Variants in CDCA3 observed in about 807,000 individuals in gnomAD.
The protein encoded by CDCA3 is cell division cycle associated 3, also known as cell division cycle-associated protein 3.
In CDCA3, 16 loss-of-function variants were observed where a neutral mutation model predicts 29.1. The ratio of observed to expected loss-of-function variants is 0.55; its 90% CI spans 0.37 to 0.83. The LOEUF (loss-of-function observed/expected upper bound fraction) is 0.83, where lower values mean the gene tolerates loss of function less well. CDCA3 is among the 40% of genes least tolerant of loss of function. CDCA3 has a pLI of 0.00. For synonymous variants in CDCA3, 88 were observed against 124.5 expected, an observed-to-expected ratio of 0.71 and a Z score of 1.95; for missense variants, 291 against 327.2, an observed-to-expected ratio of 0.89 and a Z score of 0.85.
chr12:6,848,923 G>A lies in CDCA3; in HGVS notation c.*120C>T, dbSNP rs1218090202. 1 of 614,342 alleles carries A rather than the reference G, an allele frequency of 1.6e-6. No homozygotes were observed. The highest frequency in any genetic ancestry group is 1.8e-5 in the African/African-American group (1 of 54,174). 38.1% of individuals were successfully genotyped at this position (614,342 alleles called of 1,614,324 possible). ...CCAATAAAGCTGTGAGTCCCAGTTT[G>A]GTAGCTGAGGAGGAGTCTAAGAAAA... On this transcript the variant is annotated 3_prime_UTR_variant, in exon 6 of 6. Transcript: ENST00000538862.
chr12:6,846,945 C>G (rs1454085476), downstream of CDCA3: 4 of 1,056,190 alleles, frequency 3.8e-6, no homozygotes, highest in Middle Eastern at 2.3e-4. Context: ...CACTCAGCAG[C>G]CCCCTGCCCG....
At chr12:6,846,797 C>T (rs1555124836), downstream of CDCA3, 1 of 1,584,644 alleles carries the variant, frequency 6.3e-7, no homozygotes, top group East Asian at 2.3e-5. Context: ...CTCAGGCATC[C>T]TCTCTGGCCA....
chr12:6,847,007 A>T (rs1555124913), downstream of CDCA3: 2 of 683,726 alleles, frequency 2.9e-6, no homozygotes, highest in Non-Finnish European at 5.2e-6. Flanking sequence ...CATTCCCACT[A>T]AGCTTTCTCC....
chr12:6,850,741 G>C lies in CDCA3; in HGVS notation c.120+92C>G. On this transcript the variant is annotated intron_variant, in intron 2 of 5. Coordinates refer to ENST00000538862, the MANE Select transcript of CDCA3 (RefSeq NM_031299.7). The surrounding 1 kb of genome is among the most constrained non-coding windows in gnomAD (Gnocchi z 4.7). Reference sequence around the variant, plus strand: ...ATTGCAGAAAATAAGGCTAGGATAAGGGTGGGGTCATGACGGCTCTCTCAA... The same window carrying C: ...ATTGCAGAAAATAAGGCTAGGATAACGGTGGGGTCATGACGGCTCTCTCAA... 6.3e-7 allele frequency: 1 copy of C among 1,575,574 alleles called. No homozygotes were observed. Among genetic ancestry groups the C allele is most frequent in the East Asian group, 2.2e-5 (1 of 44,526 alleles).
Position 6,849,604 on chromosome 12 carries a change from C to T in CDCA3, c.505G>A (p.Asp169Asn), listed in dbSNP as rs201851783. The T allele has an allele frequency of 5.4e-5, 87 of 1,613,418 alleles. No homozygotes were observed. The Admixed American group carries it at 5.8e-4, about 11-fold the overall frequency. ...TETPVASQSS[D>N]KPSRDPETPR... ...GTCTCAGGGTCCCTTGAGGGCTTGT[C>T]GGAGCTCTGGCTGGCCACAGGGGTT... Residue 169 changes from aspartate to asparagine, a missense_variant, in exon 4 of 6, where the codon GAC becomes AAC. Coordinates refer to ENST00000538862, the MANE Select transcript of CDCA3 (RefSeq NM_031299.7). This position sits in a 1 kb window ranked among gnomAD's most constrained non-coding sequence, Gnocchi z 5.2.
At chr12:6,848,699 C>G (rs1943752828), downstream of CDCA3, 1 of 283,246 alleles carries the variant, frequency 3.5e-6, no homozygotes, top group East Asian at 9.0e-5. Context: ...AAGGACAGAG[C>G]CATAGGGACA....
At chr12:6,846,842 G>A (rs1283595120), downstream of CDCA3, 4 of 1,602,658 alleles carry the variant, frequency 2.5e-6, no homozygotes, top group Admixed American at 6.9e-5. Context: ...AGTCACAGCT[G>A]ACGGGATGGC....
downstream of CDCA3, among the ~76,000 whole-genome samples, chr12:6,847,793 C>T (rs1555125104): frequency 6.6e-6 from 1 of 152,062 alleles, no homozygotes. Flanking sequence ...CAGAAAGAAG[C>T]AGTGTAGGTT....
Position 6,850,355 on chromosome 12 carries a change from GA to G in CDCA3, c.250+111del. 1 of 1,375,408 alleles carries G rather than the reference GA, an allele frequency of 7.3e-7. No homozygotes were observed. Among genetic ancestry groups the G allele is most frequent in the Admixed American group, 1.9e-5 (1 of 54,044 alleles). The allele number at this position is 1,375,408 out of a possible 1,614,324, so 85.2% of individuals were successfully genotyped here. On this transcript the variant is annotated intron_variant, in intron 3 of 5. Coordinates refer to ENST00000538862, the MANE Select transcript of CDCA3 (RefSeq NM_031299.7). The surrounding 1 kb of genome is among the most constrained non-coding windows in gnomAD (Gnocchi z 4.7). ...ATTGAGATAAGAGTGAGATGGGTCC[GA>G]AGCAGGAGGATAGAGGCCCCTTTAA... is the stretch of plus-strand genomic sequence containing the variant.
Position 6,850,002 on chromosome 12 carries a change from C to T in CDCA3, c.251-144G>A. On this transcript the variant is annotated intron_variant, in intron 3 of 5. Transcript: ENST00000538862. This position sits in a 1 kb window ranked among gnomAD's most constrained non-coding sequence, Gnocchi z 4.7. The stretch of plus-strand genomic sequence containing the variant: ...TCAAGGAAATCAAGGTGAAAGGGAG[C>T]AATTTTTTTTTTTTTTGAGATGGGG... The T allele has an allele frequency of 1.4e-6, 1 of 716,100 alleles. No homozygotes were observed. The highest frequency in any genetic ancestry group is 2.1e-6 in the Non-Finnish European group (1 of 473,516). The allele number at this position is 716,100 out of a possible 1,614,324, so 44.4% of individuals were successfully genotyped here.
Position 6,849,171 on chromosome 12 carries a change from T to C in CDCA3, c.679A>G (p.Asn227Asp), listed in dbSNP as rs782439674. 1.9e-6 allele frequency: 3 copies of C among 1,614,062 alleles called. No individual in the cohort carries two copies. The highest frequency in any genetic ancestry group is 2.5e-6 in the Non-Finnish European group (3 of 1,180,020). Residue 227 changes from asparagine (N) to aspartate (D), a missense_variant, in exon 6 of 6, where the codon AAT (asparagine) becomes GAT (aspartate). Asn to Asp is a conservative substitution (Grantham distance 23). Coordinates refer to ENST00000538862, the MANE Select transcript of CDCA3 (RefSeq NM_031299.7). The surrounding 1 kb of genome is among the most constrained non-coding windows in gnomAD (Gnocchi z 5.2). The part of the protein sequence containing the change: ...QGKRPSPLSE[N>D]VSELKEGAIL... ...GCTCCTTCCTTTAGTTCACTAACAT[T>C]TTCACTTAGGGGTGAAGGCCGCTTA...
At chr12:6,846,970 A>T, downstream of CDCA3, 1 of 844,316 alleles carries the variant, frequency 1.2e-6, no homozygotes, top group South Asian at 1.5e-5. Context: ...CATCTCATTC[A>T]GGTGTTCTCT....
Position 6,850,808 on chromosome 12 carries a change from C to T in CDCA3, c.120+25G>A, listed in dbSNP as rs200147836. The T allele has an allele frequency of 1.4e-5, 23 of 1,611,110 alleles. No individual in the cohort carries two copies. The highest frequency in any genetic ancestry group is 2.2e-5 in the East Asian group (1 of 44,852). Reference sequence around the variant, plus strand: ...GACCCAAGAATTCAGACATTCTCTGCCTTTCCCACGCTGGCCCAGAGTACC... The same window carrying T: ...GACCCAAGAATTCAGACATTCTCTGTCTTTCCCACGCTGGCCCAGAGTACC... On this transcript the variant is annotated intron_variant, in intron 2 of 5. Coordinates refer to ENST00000538862, the MANE Select transcript of CDCA3 (RefSeq NM_031299.7). This position sits in a 1 kb window ranked among gnomAD's most constrained non-coding sequence, Gnocchi z 4.7.
chr12:6,850,853 T>G lies in CDCA3; in HGVS notation c.100A>C (p.Ile34Leu). 1 of 1,614,022 alleles carries G rather than the reference T, an allele frequency of 6.2e-7. No individual in the cohort carries two copies. Among genetic ancestry groups the G allele is most frequent in the Non-Finnish European group, 8.5e-7 (1 of 1,179,976 alleles). ...VADPRSPSAGILRTPIQVESS... is the reference protein window; with the variant it reads ...VADPRSPSAGLLRTPIQVESS... ...AGTACCTGGATGGGAGTGCGCAGGA[T>G]GCCAGCACTAGGTGAACGGGGGTCC... The change falls in exon 2 of 6, where the codon ATC becomes CTC. Residue 34 changes from isoleucine (I) to leucine (L), a missense_variant. Ile to Leu is a conservative substitution (Grantham distance 5). Coordinates refer to ENST00000538862, the MANE Select transcript of CDCA3 (RefSeq NM_031299.7). This position sits in a 1 kb window ranked among gnomAD's most constrained non-coding sequence, Gnocchi z 4.7.
Position 6,850,379 on chromosome 12 carries a change from T to A in CDCA3, c.250+88A>T. 2 of 1,551,560 alleles carry A rather than the reference T, an allele frequency of 1.3e-6. No individual in the cohort carries two copies. Among genetic ancestry groups the A allele is most frequent in the Non-Finnish European group, 1.8e-6 (2 of 1,132,744 alleles). ...CGAAGCAGGAGGATAGAGGCCCCTTTAAGGAACCCTGAGAGAATGGCTTCA... is the reference window on the plus strand; with the variant it reads ...CGAAGCAGGAGGATAGAGGCCCCTTAAAGGAACCCTGAGAGAATGGCTTCA... On this transcript the variant is annotated intron_variant, in intron 3 of 5. Transcript: ENST00000538862. This position sits in a 1 kb window ranked among gnomAD's most constrained non-coding sequence, Gnocchi z 4.7.
chr12:6,850,418 A>G lies in CDCA3; in HGVS notation c.250+49T>C. ...AGAATGGCTTCATGGACCCTACCCA[A>G]GAATAATAGATGACAGCTTCATCAG... On this transcript the variant is annotated intron_variant, in intron 3 of 5. Coordinates refer to ENST00000538862, the MANE Select transcript of CDCA3 (RefSeq NM_031299.7). This position sits in a 1 kb window ranked among gnomAD's most constrained non-coding sequence, Gnocchi z 4.7. 1 of 1,611,552 alleles carries G rather than the reference A, an allele frequency of 6.2e-7. No individual in the cohort carries two copies.
chr12:6,850,857 A>C lies in CDCA3; in HGVS notation c.96T>G (p.Ala32=), dbSNP rs1201952712. The change falls in exon 2 of 6, where the codon GCT becomes GCG. Residue 32 remains alanine, a synonymous_variant. Coordinates refer to ENST00000538862, the MANE Select transcript of CDCA3 (RefSeq NM_031299.7). This position sits in a 1 kb window ranked among gnomAD's most constrained non-coding sequence, Gnocchi z 4.7. ...CCTGGATGGGAGTGCGCAGGATGCC[A>C]GCACTAGGTGAACGGGGGTCCGCCA... is the stretch of plus-strand genomic sequence containing the variant. ...ARVADPRSPS[A]GILRTPIQVE... 1 of 1,614,020 alleles carries C rather than the reference A, an allele frequency of 6.2e-7. No individual in the cohort carries two copies.
In CDCA3 at chr12:6,849,126, G is replaced by A. The variant is rs1162110476; in HGVS notation, c.724C>T (p.Leu242Phe). The change falls in exon 6 of 6, where the codon CTT becomes TTT. Residue 242 changes from leucine (L) to phenylalanine (F), a missense_variant. Leu to Phe is a conservative substitution (Grantham distance 22). Transcript: ENST00000538862. This position sits in a 1 kb window ranked among gnomAD's most constrained non-coding sequence, Gnocchi z 5.2. ...CATGCTCGTCCTCCAGTTTTCAGAAGTCGTCCAGTTCCAAGAATGGCTCCT... is the reference window on the plus strand; with the variant it reads ...CATGCTCGTCCTCCAGTTTTCAGAAATCGTCCAGTTCCAAGAATGGCTCCT... ...KEGAILGTGR[L>F]LKTGGRAWEQ... 1.9e-6 allele frequency: 3 copies of A among 1,592,260 alleles called. No homozygotes were observed. The highest frequency in any genetic ancestry group is 1.7e-5 in the Admixed American group (1 of 59,982).
intron 1 of CDCA3, 62 bp from the exon 2 acceptor site, chr12:6,851,071 C>T: frequency 7.0e-7 from 1 of 1,438,456 alleles, no homozygotes; most frequent in South Asian, 1.5e-5. Context: ...CAACCCTAAA[C>T]CACCCTGTCT....
Sources: allele counts gnomAD v4.1 joint callset (sites outside exome capture counted in the v4.1 genomes callset), GRCh38; gene constraint gnomAD v4.1.1; non-coding constraint Gnocchi (gnomAD v3.1); transcripts MANE v1.5; gene names NCBI Gene and HGNC (gene_info 2026-07-23, HGNC 2026-07-21).